SLC5A4: variants seen among roughly 807,000 people sequenced by gnomAD.
SLC5A4 encodes probable glucose sensor protein SLC5A4.
SLC5A4 carries 55 observed loss-of-function variants against 70.3 expected under a neutral mutation model. That is an observed-to-expected ratio of 0.78 (90% CI 0.63 to 0.98). The LOEUF (loss-of-function observed/expected upper bound fraction) is 0.98, where lower values mean the gene tolerates loss of function less well. Among genes scored for constraint, SLC5A4 ranks in the 50% least tolerant of loss-of-function variants. The pLI, the probability that SLC5A4 is intolerant of heterozygous loss-of-function variation, is 0.00. For missense variants in SLC5A4, 735 were observed against 839.2 expected, an observed-to-expected ratio of 0.88 and a Z score of 1.53; for synonymous variants, 268 against 305.7, an observed-to-expected ratio of 0.88 and a Z score of 1.29.
At chr22:32,330,667 G>A in the SLC5A4 span, among the ~76,000 whole-genome samples, 2 of 106,740 alleles carry the variant, frequency 1.9e-5, no homozygotes, top group Non-Finnish European at 3.7e-5. Context: ...TCTGGTGTGT[G>A]TGTTAGGGGG....
chr22:32,315,938 G>A, the SLC5A4 span, among the ~76,000 whole-genome samples: 4 of 152,060 alleles, frequency 2.6e-5, no homozygotes, highest in Admixed American at 1.3e-4. Context: ...GGAGGCCAAG[G>A]CAGGTAGATC....
chr22:32,221,956 G>A (rs1258783649), intron 13 of SLC5A4, among the ~76,000 whole-genome samples: 1 of 152,134 alleles, frequency 6.6e-6, no homozygotes, highest in African/African-American at 2.4e-5. Flanking sequence ...GTTTCACTAT[G>A]TTTTTGGCCA....
chr22:32,329,527 T>TG, the SLC5A4 span, among the ~76,000 whole-genome samples: 27 of 111,404 alleles, frequency 2.4e-4, no homozygotes, highest in East Asian at 4.1e-3. Flanking sequence ...GTGTGTTTCT[T>TG]GGGGGGGCTC....
the SLC5A4 span, among the ~76,000 whole-genome samples, chr22:32,315,513 C>T: frequency 6.6e-6 from 1 of 151,970 alleles, no homozygotes; most frequent in African/African-American, 2.4e-5. Flanking sequence ...ATATTGTTCA[C>T]AGTAGGGAGA....
chr22:32,241,839 C>CTGTGTGTG (rs750938000), intron 5 of SLC5A4, among the ~76,000 whole-genome samples: 2 of 114,074 alleles, frequency 1.8e-5, no homozygotes, highest in South Asian at 2.6e-4. Flanking sequence ...ATATATATAT[C>CTGTGTGTG]TGTGTGTGTG....
chr22:32,305,186 A>T, the SLC5A4 span, among the ~76,000 whole-genome samples: 1 of 151,858 alleles, frequency 6.6e-6, no homozygotes, highest in Non-Finnish European at 1.5e-5. Flanking sequence ...TCCAGTTTCT[A>T]ATCAGCTCTT....
chr22:32,306,532 T>C, the SLC5A4 span, among the ~76,000 whole-genome samples: 1 of 127,968 alleles, frequency 7.8e-6, no homozygotes, highest in Non-Finnish European at 1.6e-5. Flanking sequence ...GAAAAACTCA[T>C]TATTGTTACA....
chr22:32,271,559 G>A, the SLC5A4 span: 3 of 706,148 alleles, frequency 4.2e-6, no homozygotes, highest in East Asian at 3.0e-5. Flanking sequence ...GCACAGAGGA[G>A]AGGGTCGGGC....
At chr22:32,274,696 G>T in the SLC5A4 span, among the ~76,000 whole-genome samples, 26 of 152,194 alleles carry the variant, frequency 1.7e-4, no homozygotes, top group African/African-American at 6.3e-4. Flanking sequence ...TAGATAAAAA[G>T]CTCCAAAATA....
the SLC5A4 span, among the ~76,000 whole-genome samples, chr22:32,302,440 TACATTTA>T: frequency 6.6e-6 from 1 of 152,238 alleles, no homozygotes; most frequent in African/African-American, 2.4e-5. Context: ...TTTATAGTTT[TACATTTA>T]ACATTTAAAT....
At chr22:32,322,608 A>G in the SLC5A4 span, among the ~76,000 whole-genome samples, 1 of 151,964 alleles carries the variant, frequency 6.6e-6, no homozygotes, top group Non-Finnish European at 1.5e-5. Flanking sequence ...ATTATTGGAA[A>G]AAAAAAAAGA....
At chr22:32,247,195 G>C (rs1926878782) in intron 5 of SLC5A4, among the ~76,000 whole-genome samples, 1 of 152,096 alleles carries the variant, frequency 6.6e-6, no homozygotes, top group Non-Finnish European at 1.5e-5. Flanking sequence ...AGCCTCTCAT[G>C]ACTTAAAAGT....
At chr22:32,353,426 G>T in the SLC5A4 span, among the ~76,000 whole-genome samples, 1 of 152,098 alleles carries the variant, frequency 6.6e-6, no homozygotes, top group Admixed American at 6.5e-5. Context: ...AACCACGGCT[G>T]GTCTAGGTGA....
At chr22:32,224,847 A>T (rs1203968989) in intron 12 of SLC5A4, among the ~76,000 whole-genome samples, 1 of 152,180 alleles carries the variant, frequency 6.6e-6, no homozygotes, top group East Asian at 1.9e-4. Context: ...CAATTTCCAG[A>T]GCTGATATTA....
chr22:32,293,096 G>C, the SLC5A4 span, among the ~76,000 whole-genome samples: 1 of 152,038 alleles, frequency 6.6e-6, no homozygotes, highest in Non-Finnish European at 1.5e-5. Context: ...CAGTTTTTCT[G>C]TTTATTGTTT....
the SLC5A4 span, among the ~76,000 whole-genome samples, chr22:32,277,641 G>A: frequency 3.3e-5 from 5 of 152,142 alleles, no homozygotes; most frequent in South Asian, 2.1e-4. Context: ...TCCGCTTCCC[G>A]GGTTCATGCC....
At chr22:32,260,357 C>G in the SLC5A4 span, among the ~76,000 whole-genome samples, 8 of 152,096 alleles carry the variant, frequency 5.3e-5, no homozygotes, top group Non-Finnish European at 8.8e-5. Context: ...GTCACTCCCC[C>G]CAGCCGTCAC....
At chr22:32,255,455 A>C, upstream of SLC5A4, 2 of 1,013,952 alleles carry the variant, frequency 2.0e-6, no homozygotes, top group Non-Finnish European at 3.0e-6. Context: ...AGACCTTTAA[A>C]CCTCTTCTCC....
chr22:32,240,378 C>T (rs1001601494), intron 5 of SLC5A4, among the ~76,000 whole-genome samples: 2 of 152,002 alleles, frequency 1.3e-5, no homozygotes, highest in Admixed American at 1.3e-4. Flanking sequence ...CACTGTTTGG[C>T]TCAGCATAAT....
Sources: allele counts gnomAD v4.1 joint callset (sites outside exome capture counted in the v4.1 genomes callset), GRCh38; gene constraint gnomAD v4.1.1; transcripts MANE v1.5; gene names NCBI Gene and HGNC (gene_info 2026-07-23, HGNC 2026-07-21).